The following WDR36 variants were observed in gnomAD, a reference collection of about 807,000 sequenced individuals.
The protein encoded by WDR36 is WD repeat-containing protein 36.
In WDR36, 63 loss-of-function variants were observed where a neutral mutation model predicts 112.7. The observed-to-expected ratio is 0.56, with a 90% CI of 0.46 to 0.69. The LOEUF is 0.69. Among genes scored for constraint, WDR36 ranks in the 30% least tolerant of loss-of-function variants. WDR36 has a pLI of 0.00. For synonymous variants in WDR36, 410 were observed against 362.2 expected, an observed-to-expected ratio of 1.13 and a Z score of -1.50; for missense variants, 1,226 against 1,070.3, an observed-to-expected ratio of 1.15 and a Z score of -2.03.
intron 19 of WDR36, among the ~76,000 whole-genome samples, chr5:111,122,604 C>G (rs1036044774): frequency 6.6e-6 from 1 of 152,146 alleles, no homozygotes; most frequent in Non-Finnish European, 1.5e-5. Context: ...AACTGTGACT[C>G]ATAACAGTCT....
chr5:111,121,969 GTAAC>G (rs892313749), intron 19 of WDR36, among the ~76,000 whole-genome samples: 1 of 152,180 alleles, frequency 6.6e-6, no homozygotes, highest in African/African-American at 2.4e-5. Flanking sequence ...CACTGACTAA[GTAAC>G]TAATAATTAT....
chr5:111,096,314 T>C (rs1018915295), intron 2 of WDR36, among the ~76,000 whole-genome samples: 5 of 152,260 alleles, frequency 3.3e-5, no homozygotes, highest in African/African-American at 1.2e-4. Context: ...CCATATGTAA[T>C]ATTTTTGGGT....
In WDR36 at chr5:111,130,214, C is replaced by A; in HGVS notation, c.*3331C>A. 1 of 205,558 alleles carries A rather than the reference C, an allele frequency of 4.9e-6. No individual in the cohort carries two copies. Among genetic ancestry groups the A allele is most frequent in the Non-Finnish European group, 1.0e-5 (1 of 100,188 alleles). 12.7% of individuals were successfully genotyped at this position (205,558 alleles called of 1,614,324 possible). Reference sequence around the variant, plus strand: ...CTAGTTCCAGGACCCCTGTGGATACCAAAATCCAAGCAATGCCCTGCAGAT... The same window carrying A: ...CTAGTTCCAGGACCCCTGTGGATACAAAAATCCAAGCAATGCCCTGCAGAT... On this transcript the variant is annotated 3_prime_UTR_variant, in exon 23 of 23. Coordinates refer to ENST00000513710, the MANE Select transcript of WDR36 (RefSeq NM_139281.3).
At chr5:111,105,985 CTT>C in intron 10 of WDR36, 70 bp from the exon 11 acceptor site, 1 of 1,212,378 alleles carries the variant, frequency 8.2e-7, no homozygotes. Flanking sequence ...AGACTGATAG[CTT>C]TTCTTTTATA....
chr5:111,118,476 C>T (rs1448856029), intron 16 of WDR36, among the ~76,000 whole-genome samples: 1 of 152,156 alleles, frequency 6.6e-6, no homozygotes, highest in African/African-American at 2.4e-5. Context: ...TCTCTAGAGA[C>T]TGAATTTTCA....
Position 111,123,824 on chromosome 5 carries a change from A to G in WDR36, c.2168A>G (p.Glu723Gly). Residue 723 changes from glutamate (E) to glycine (G), a missense_variant, in exon 20 of 23, where the codon GAA (glutamate) becomes GGA (glycine). Transcript: ENST00000513710. ...DVIKKKNKPK[E>G]PPKVPKSAPF... ...AATCAGAAAAAGAATAAACCAAAGG[A>G]ACCACCCAAAGTACCCAAATCAGCA... 1 of 1,613,826 alleles carries G rather than the reference A, an allele frequency of 6.2e-7. No homozygotes were observed. The highest frequency in any genetic ancestry group is 8.5e-7 in the Non-Finnish European group (1 of 1,179,874).
intron 15 of WDR36, 95 bp from the exon 16 acceptor site, chr5:111,112,979 C>A (rs1753371312): frequency 3.9e-6 from 1 of 253,362 alleles, no homozygotes. Flanking sequence ...AAGGTGTTAA[C>A]TATATATACA....
chr5:111,116,359 A>G (rs527549390), intron 16 of WDR36, among the ~76,000 whole-genome samples: 13 of 152,268 alleles, frequency 8.5e-5, no homozygotes, highest in African/African-American at 2.9e-4. Context: ...ATTACATGAG[A>G]ATAATTGGAA....
intron 17 of WDR36, among the ~76,000 whole-genome samples, chr5:111,119,608 G>A (rs886816901): frequency 1.4e-4 from 21 of 151,990 alleles, no homozygotes; most frequent in African/African-American, 5.1e-4. Flanking sequence ...GAACCTGTAA[G>A]GGACTGTCAT....
intron 4 of WDR36, among the ~76,000 whole-genome samples, chr5:111,099,808 C>T (rs1431488743): frequency 6.6e-6 from 1 of 151,966 alleles, no homozygotes; most frequent in Non-Finnish European, 1.5e-5. Flanking sequence ...CTGTGGTACC[C>T]ATACCCTGGG....
In WDR36 at chr5:111,126,923, G is replaced by C. The variant is rs1196110979; in HGVS notation, c.*40G>C. On this transcript the variant is annotated 3_prime_UTR_variant, in exon 23 of 23. Transcript: ENST00000513710. ...CTAAACAAAGACTTTCATATTAAATGGGTTCAATTGAACTCATTTCTTATT... is the reference window on the plus strand; with the variant it reads ...CTAAACAAAGACTTTCATATTAAATCGGTTCAATTGAACTCATTTCTTATT... The C allele has an allele frequency of 6.6e-6, 10 of 1,520,470 alleles. No homozygotes were observed. Among genetic ancestry groups the C allele is most frequent in the Non-Finnish European group, 8.9e-6 (10 of 1,124,874 alleles). The allele number at this position is 1,520,470 out of a possible 1,614,324, so 94.2% of individuals were successfully genotyped here. A position where few individuals can be genotyped will look rare whatever the true frequency, so the allele number is the denominator to read the frequency against.
chr5:111,106,211 T>C (rs981016437), intron 11 of WDR36, 68 bp downstream of exon 11: 53 of 1,351,870 alleles, frequency 3.9e-5, no homozygotes, highest in Non-Finnish European at 5.3e-5. Flanking sequence ...TATGCTGTTT[T>C]ATTTTCTGTT....
At chr5:111,115,591 A>G (rs1441268324) in intron 16 of WDR36, among the ~76,000 whole-genome samples, 2 of 152,164 alleles carry the variant, frequency 1.3e-5, no homozygotes, top group Non-Finnish European at 2.9e-5. Context: ...GGAAAAAAAA[A>G]ACATAATTAG....
intron 11 of WDR36, among the ~76,000 whole-genome samples, chr5:111,106,415 GTAT>G (rs1753222954): frequency 6.6e-6 from 1 of 151,282 alleles, no homozygotes; most frequent in African/African-American, 2.4e-5. Flanking sequence ...CATATGCCTG[GTAT>G]AATGAAAGTC....
intron 14 of WDR36, 102 bp downstream of exon 14, chr5:111,111,055 C>G (rs1490319911): frequency 6.4e-7 from 1 of 1,553,130 alleles, no homozygotes; most frequent in Non-Finnish European, 8.9e-7. Flanking sequence ...TAATAAAGAA[C>G]AACATTTGGC....
intron 2 of WDR36, among the ~76,000 whole-genome samples, chr5:111,096,555 T>C (rs950348659): frequency 2.6e-5 from 4 of 152,010 alleles, no homozygotes; most frequent in African/African-American, 7.3e-5. Flanking sequence ...AATACAAAAA[T>C]TAGCCGGGTG....
chr5:111,102,917 C>T (rs1011869088), intron 6 of WDR36, among the ~76,000 whole-genome samples: 1 of 151,416 alleles, frequency 6.6e-6, no homozygotes, highest in Admixed American at 6.6e-5. Flanking sequence ...TTTATATTGG[C>T]CACATATGTA....
intron 4 of WDR36, 103 bp from the exon 5 acceptor site, chr5:111,100,486 T>A (rs1192088011): frequency 1.3e-5 from 10 of 763,820 alleles, no homozygotes; most frequent in Non-Finnish European, 1.8e-5. Context: ...TTTTAACATA[T>A]AAATCTTTGA....
At chr5:111,098,640 A>C in intron 3 of WDR36, 82 bp from the exon 4 acceptor site, 1 of 931,906 alleles carries the variant, frequency 1.1e-6, no homozygotes, top group Non-Finnish European at 1.8e-6. Flanking sequence ...TCTCAGGATT[A>C]GCATGTTTTT....
Sources: allele counts gnomAD v4.1 joint callset (sites outside exome capture counted in the v4.1 genomes callset), GRCh38; gene constraint gnomAD v4.1.1; transcripts MANE v1.5; gene names NCBI Gene and HGNC (gene_info 2026-07-23, HGNC 2026-07-21).